The following NEK11 variants were observed in gnomAD, a reference collection of about 807,000 sequenced individuals.
NEK11 encodes the protein serine/threonine-protein kinase Nek11.
Under a neutral mutation model 80.7 loss-of-function variants are expected in NEK11, and 72 were observed. The observed-to-expected ratio is 0.89, with a 90% CI of 0.74 to 1.08. The LOEUF is 1.08. Among genes scored for constraint, NEK11 ranks in the 50% least tolerant of loss-of-function variants. NEK11 has a pLI of 0.00. For missense variants in NEK11, 764 were observed against 763.6 expected (o/e 1.00, Z -0.01); for synonymous variants, 251 against 260.7 (o/e 0.96, Z 0.36).
At chr3:131,115,966 CTTT>C (rs2081114641) in intron 5 of NEK11, among the ~76,000 whole-genome samples, 1 of 140,946 alleles carries the variant, frequency 7.1e-6, no homozygotes, top group Non-Finnish European at 1.5e-5. Flanking sequence ...TTCTTTCTTT[CTTT>C]CTTTCTTTCT....
intron 17 of NEK11, among the ~76,000 whole-genome samples, chr3:131,332,264 C>T (rs1199176748): frequency 6.6e-6 from 1 of 152,168 alleles, no homozygotes; most frequent in Non-Finnish European, 1.5e-5. Flanking sequence ...TCCTCTGAGA[C>T]AAAACTTCCA....
At chr3:131,206,513 T>C (rs1348359761) in intron 14 of NEK11, among the ~76,000 whole-genome samples, 1 of 152,130 alleles carries the variant, frequency 6.6e-6, no homozygotes, top group Non-Finnish European at 1.5e-5. Flanking sequence ...ATCGTTAGGG[T>C]TCACTCTTAA....
chr3:131,228,607 GGAA>G lies in NEK11; in HGVS notation c.1486_1488del (p.Glu496del), dbSNP rs763930053. The G allele has an allele frequency of 7.4e-6, 12 of 1,613,664 alleles. No individual in the cohort carries two copies. Among genetic ancestry groups the G allele is most frequent in the Non-Finnish European group, 1.0e-5 (12 of 1,179,662 alleles). ...CCTATTGTGAAGAGAGTGATGAGGAGGAAGAAGAAATAGCGTTAGAAAGACCAG... is the reference window on the plus strand; with the variant it reads ...CCTATTGTGAAGAGAGTGATGAGGAGGAAGAAATAGCGTTAGAAAGACCAG... On this transcript the variant is annotated inframe_deletion, in exon 15 of 18. Coordinates refer to ENST00000383366, the MANE Select transcript of NEK11 (RefSeq NM_024800.5).
chr3:131,104,151 A>G (rs1368831113), intron 4 of NEK11, among the ~76,000 whole-genome samples: 1 of 152,164 alleles, frequency 6.6e-6, no homozygotes, highest in East Asian at 1.9e-4. Context: ...GCCTGCAACA[A>G]CAATCAGGCT....
chr3:131,127,117 C>T (rs1295483798), intron 5 of NEK11, among the ~76,000 whole-genome samples: 2 of 151,888 alleles, frequency 1.3e-5, no homozygotes, highest in East Asian at 1.9e-4. Context: ...AAGTGCCTGC[C>T]ACCATGCCCG....
Position 131,291,829 on chromosome 3 carries a change from T to C in NEK11, c.1718+18255T>C, listed in dbSNP as rs994114799. 4.6e-5 allele frequency among the ~76,000 whole-genome samples: 7 copies of C among 152,228 alleles called. No individual in the cohort carries two copies. In the East Asian group the frequency reaches 5.8e-4, roughly 13 times the overall value. ...TGTTGAGTTTTAAGAGTTCTTTGTA[T>C]ATTTTGCATAATAGCCCCTTATCAG... is the stretch of plus-strand genomic sequence containing the variant. On this transcript the variant is annotated intron_variant, in intron 17 of 17. Transcript: ENST00000383366.
At chr3:131,143,845 G>A (rs1350095852) in intron 7 of NEK11, among the ~76,000 whole-genome samples, 1 of 151,782 alleles carries the variant, frequency 6.6e-6, no homozygotes, top group Non-Finnish European at 1.5e-5. Context: ...TTTCATTTAG[G>A]GTGATACACA....
intron 14 of NEK11, among the ~76,000 whole-genome samples, chr3:131,202,729 G>T (rs751411790): frequency 4.6e-5 from 7 of 151,966 alleles, no homozygotes; most frequent in Non-Finnish European, 1.0e-4. Context: ...ACAAATTTAC[G>T]AGAAAAAAAT....
intron 14 of NEK11, among the ~76,000 whole-genome samples, chr3:131,205,956 T>C (rs1207645726): frequency 6.6e-6 from 1 of 152,230 alleles, no homozygotes; most frequent in Non-Finnish European, 1.5e-5. Context: ...GATGATTTTA[T>C]TGATGTGTTG....
At chr3:131,055,881 T>A (rs2069378787) in intron 3 of NEK11, among the ~76,000 whole-genome samples, 1 of 152,168 alleles carries the variant, frequency 6.6e-6, no homozygotes, top group South Asian at 2.1e-4. Flanking sequence ...AAATGAAAGA[T>A]CATTGGAAGA....
intron 16 of NEK11, among the ~76,000 whole-genome samples, chr3:131,255,587 T>G (rs1241063153): frequency 6.6e-6 from 1 of 152,176 alleles, no homozygotes; most frequent in Non-Finnish European, 1.5e-5. Flanking sequence ...TCTTGATATT[T>G]CCATGAATAT....
chr3:131,249,859 T>C (rs913329702), intron 16 of NEK11, among the ~76,000 whole-genome samples: 3 of 152,082 alleles, frequency 2.0e-5, no homozygotes, highest in African/African-American at 7.2e-5. Flanking sequence ...AATGTGAACA[T>C]GTAGCAATGC....
intron 17 of NEK11, among the ~76,000 whole-genome samples, chr3:131,278,038 T>C (rs557862983): frequency 1.3e-5 from 2 of 152,370 alleles, no homozygotes; most frequent in Admixed American, 6.5e-5. Context: ...GTTTTATACC[T>C]GAGGGCATTG....
intron 6 of NEK11, 96 bp from the exon 7 acceptor site, chr3:131,133,734 T>C (rs139901613): frequency 2.3e-6 from 2 of 879,222 alleles, no homozygotes; most frequent in East Asian, 2.5e-5. Flanking sequence ...CATTGCATAA[T>C]AAAATGGTCA....
intron 7 of NEK11, among the ~76,000 whole-genome samples, chr3:131,138,192 G>A (rs2086021788): frequency 6.6e-6 from 1 of 152,178 alleles, no homozygotes; most frequent in African/African-American, 2.4e-5. Context: ...CCTGAGGGGT[G>A]AGTTCCAGGC....
chr3:131,258,405 C>A (rs1252124623), intron 16 of NEK11, among the ~76,000 whole-genome samples: 1 of 152,094 alleles, frequency 6.6e-6, no homozygotes, highest in African/African-American at 2.4e-5. Context: ...GTCTTGAAGC[C>A]AGATCAACCT....
Position 131,157,617 on chromosome 3 carries a change from C to G in NEK11, c.962+2496C>G, listed in dbSNP as rs573419724. ...GGTGAGCCAGGTGGAACAGCTGCCA[C>G]TGAGGGACCAGGATGACTGGCACAC... On this transcript the variant is annotated intron_variant, in intron 10 of 17. Transcript: ENST00000383366. Among the ~76,000 whole-genome samples the G allele has an allele frequency of 2.6e-5, 4 of 152,252 alleles. No individual in the cohort carries two copies. In the East Asian group the frequency reaches 7.7e-4, roughly 29 times the overall value.
At chr3:131,101,391 A>T (rs1254814955) in intron 4 of NEK11, among the ~76,000 whole-genome samples, 6 of 151,946 alleles carry the variant, frequency 3.9e-5, no homozygotes, top group Non-Finnish European at 2.9e-5. Flanking sequence ...TCCTCTTAAC[A>T]TGTTGAGCTA....
intron 17 of NEK11, among the ~76,000 whole-genome samples, chr3:131,277,413 T>C (rs558436337): frequency 2.0e-4 from 31 of 152,362 alleles, no homozygotes; most frequent in African/African-American, 6.7e-4. Context: ...TAAATTTCCC[T>C]ACCACATCTG....
Sources: gnomAD v4.1 joint callset for allele counts (sites outside exome capture counted in the v4.1 genomes callset) on GRCh38, gnomAD v4.1.1 for gene constraint, MANE v1.5 for transcripts, NCBI Gene and HGNC (gene_info 2026-07-23, HGNC 2026-07-21) for gene names.